The following UBN2 variants were observed in gnomAD, a reference collection of about 807,000 sequenced individuals.
UBN2 encodes the protein ubinuclein 2, also known as ubinuclein-2.
UBN2 carries 35 observed loss-of-function variants against 120.2 expected under a neutral mutation model. The ratio of observed to expected loss-of-function variants is 0.29; its 90% CI spans 0.22 to 0.39. The LOEUF is 0.39. UBN2 is among the 10% of genes least tolerant of loss of function. UBN2 has a pLI of 1.00. For synonymous variants in UBN2, 661 were observed against 648.7 expected (o/e 1.02, Z -0.29); for missense variants, 1,693 against 1,663.2 (o/e 1.02, Z -0.31).
chr7:139,236,585 G>T (rs1796168017), intron 1 of UBN2, among the ~76,000 whole-genome samples: 1 of 152,092 alleles, frequency 6.6e-6, no homozygotes, highest in Non-Finnish European at 1.5e-5. Flanking sequence ...TGTTCCTGGG[G>T]ATTTTTTTTC....
At chr7:139,262,025 C>T (rs544320807) in intron 6 of UBN2, among the ~76,000 whole-genome samples, 13 of 150,606 alleles carry the variant, frequency 8.6e-5, no homozygotes, top group Admixed American at 5.9e-4. Context: ...CCTTGTGATC[C>T]GCCTGCCTTG....
rs1462267540 is a variant in UBN2 at position 139,250,743 on chromosome 7, A to G, written c.562-1213A>G. On this transcript the variant is annotated intron_variant, in intron 2 of 17. Coordinates refer to ENST00000473989, the MANE Select transcript of UBN2 (RefSeq NM_173569.4). ...ATCTTAACTCAGATTTCACGTACTC[A>G]TTTCAGTTTTTACATGCACTCATTT... Among the ~76,000 whole-genome samples the G allele has an allele frequency of 2.6e-5, 4 of 152,002 alleles. No homozygotes were observed. In the South Asian group the frequency reaches 6.2e-4, roughly 24 times the overall value.
chr7:139,311,227 T>C (rs971277242), downstream of UBN2, among the ~76,000 whole-genome samples: 1 of 152,222 alleles, frequency 6.6e-6, no homozygotes, highest in African/African-American at 2.4e-5. Context: ...AATGACAGTC[T>C]CTTCTCAGGC....
chr7:139,276,038 C>T (rs1585016134), intron 11 of UBN2, 59 bp from the exon 12 acceptor site: 2 of 1,342,668 alleles, frequency 1.5e-6, no homozygotes, highest in East Asian at 2.4e-5. Flanking sequence ...AAAAATAAAA[C>T]AATTATGTTA....
At chr7:139,275,990 A>G in intron 11 of UBN2, 107 bp from the exon 12 acceptor site, 2 of 814,108 alleles carry the variant, frequency 2.5e-6, no homozygotes, top group East Asian at 5.4e-5. Context: ...TACTTGGTAA[A>G]TAAGCAGTAA....
At chr7:139,275,365 C>T (rs1306424229) in intron 11 of UBN2, among the ~76,000 whole-genome samples, 10 of 149,904 alleles carry the variant, frequency 6.7e-5, no homozygotes, top group Admixed American at 1.3e-4. Flanking sequence ...GGGTGGATCA[C>T]GAGGTCAGGA....
intron 2 of UBN2, among the ~76,000 whole-genome samples, chr7:139,250,236 A>G (rs1205114158): frequency 2.6e-5 from 4 of 151,438 alleles, no homozygotes; most frequent in African/African-American, 7.3e-5. Flanking sequence ...ACCTTGTGTC[A>G]TTTTTTTTCT....
At chr7:139,259,891 G>GGT (rs1026107259) in intron 5 of UBN2, among the ~76,000 whole-genome samples, 4 of 151,998 alleles carry the variant, frequency 2.6e-5, no homozygotes, top group Non-Finnish European at 5.9e-5. Flanking sequence ...TGGGATTACA[G>GGT]GTGTATGTCA....
rs76170879 is a variant in UBN2, at chr7:139,231,935, C to G, written c.451C>G (p.Leu151Val). ...GGAGTTCAGTTACCCGGAGCTGCTG[C>G]TGTGCGGAGAACAACGGGTACAGAA... ...CVEFSYPELL[L>V]CGEQRKKLIH... The change falls in exon 1 of 18, where the codon CTG becomes GTG. Residue 151 changes from leucine (L) to valine (V), a missense_variant. By Grantham distance (32) the Leu-to-Val change is conservative (BLOSUM62 1). Transcript: ENST00000473989. 6.3e-6 allele frequency: 10 copies of G among 1,583,190 alleles called. No individual in the cohort carries two copies. The Admixed American group carries it at 6.7e-5, about 11-fold the overall frequency.
chr7:139,264,148 A>G (rs1190761090), intron 6 of UBN2, among the ~76,000 whole-genome samples: 1 of 152,204 alleles, frequency 6.6e-6, no homozygotes, highest in East Asian at 1.9e-4. Context: ...TCACCAAATC[A>G]TCAGTTAAGT....
At chr7:139,286,966 A>G (rs960468542) in intron 15 of UBN2, among the ~76,000 whole-genome samples, 2 of 152,230 alleles carry the variant, frequency 1.3e-5, no homozygotes, top group Non-Finnish European at 2.9e-5. Context: ...CTGGTAATTC[A>G]TTAATTGAAA....
At chr7:139,291,797 T>C (rs1255734572) in intron 15 of UBN2, among the ~76,000 whole-genome samples, 1 of 151,380 alleles carries the variant, frequency 6.6e-6, no homozygotes, top group Non-Finnish European at 1.5e-5. Context: ...GAGTCTGCCA[T>C]GAGCTACAAT....
At chr7:139,280,521 A>C (rs1048894772) in intron 13 of UBN2, among the ~76,000 whole-genome samples, 2 of 152,152 alleles carry the variant, frequency 1.3e-5, no homozygotes, top group African/African-American at 4.8e-5. Flanking sequence ...TGTTGTTTTT[A>C]ATAGATGAGG....
chr7:139,240,506 A>G (rs952862369), intron 2 of UBN2, among the ~76,000 whole-genome samples: 2 of 150,452 alleles, frequency 1.3e-5, no homozygotes, highest in African/African-American at 4.9e-5. Context: ...CATCAGGCCA[A>G]AAGTGACCTG....
chr7:139,284,135 C>A lies in UBN2; in HGVS notation c.3230C>A (p.Ser1077Tyr). ...AKPSVSTKLI[S>Y]KSNPTPKPTV... ...CCTTCAGTATCAACTAAACTTATTTCTAAATCCAACCCAACTCCCAAGCCT... is the reference window on the plus strand; with the variant it reads ...CCTTCAGTATCAACTAAACTTATTTATAAATCCAACCCAACTCCCAAGCCT... Residue 1077 changes from serine (S) to tyrosine (Y), a missense_variant, in exon 15 of 18, where the codon TCT (serine) becomes TAT (tyrosine). Transcript: ENST00000473989. The A allele has an allele frequency of 6.2e-7, 1 of 1,614,172 alleles. No individual in the cohort carries two copies. Among genetic ancestry groups the A allele is most frequent in the Non-Finnish European group, 8.5e-7 (1 of 1,180,028 alleles).
intron 3 of UBN2, among the ~76,000 whole-genome samples, chr7:139,253,854 T>C (rs1232470919): frequency 6.6e-6 from 1 of 152,228 alleles, no homozygotes; most frequent in African/African-American, 2.4e-5. Context: ...ACTATTACAC[T>C]ACCCACAAAT....
rs1049185364 is a variant in UBN2 at position 139,292,412 on chromosome 7, C to G, written c.3670-820C>G. Among the ~76,000 whole-genome samples the G allele has an allele frequency of 8.5e-5, 13 of 152,272 alleles. No homozygotes were observed. The South Asian group carries it at 2.7e-3, about 32-fold the overall frequency. On this transcript the variant is annotated intron_variant, in intron 15 of 17. Coordinates refer to ENST00000473989, the MANE Select transcript of UBN2 (RefSeq NM_173569.4). ...TGATTTCAGTGTTTTTATTCGTAAA[C>G]ATGGCATCAAAGCCCAGGTAGGGGA...
rs554354239 is a variant in UBN2, at chr7:139,276,479, C to A, written c.2024+332C>A. 5 of 332,450 alleles carry A rather than the reference C, an allele frequency of 1.5e-5. No individual in the cohort carries two copies. The East Asian group carries it at 3.7e-4, about 24-fold the overall frequency. 20.6% of individuals were successfully genotyped at this position (332,450 alleles called of 1,614,324 possible). Reference sequence around the variant, plus strand: ...TCCATCTGCATTTGTAATCTACAGCCCTCTGTGTCCTGAGTTTACCAGGAC... The same window carrying A: ...TCCATCTGCATTTGTAATCTACAGCACTCTGTGTCCTGAGTTTACCAGGAC... On this transcript the variant is annotated intron_variant, in intron 12 of 17. Coordinates refer to ENST00000473989, the MANE Select transcript of UBN2 (RefSeq NM_173569.4).
Position 139,305,444 on chromosome 7 carries a change from T to C in UBN2, c.*7608T>C, listed in dbSNP as rs527784329. 2 of 152,366 alleles carry C rather than the reference T, an allele frequency of 1.3e-5. No individual in the cohort carries two copies. The highest frequency in any genetic ancestry group is 4.1e-4 in the South Asian group (2 of 4,832). 9.4% of individuals were successfully genotyped at this position (152,366 alleles called of 1,614,324 possible). ...CAGCAGAGGATTCAGGCAGGGACTC[T>C]CAGGATTTTAATCAGACTGCCTTTG... On this transcript the variant is annotated 3_prime_UTR_variant, in exon 18 of 18. Coordinates refer to ENST00000473989, the MANE Select transcript of UBN2 (RefSeq NM_173569.4).
Sources: allele counts gnomAD v4.1 joint callset (sites outside exome capture counted in the v4.1 genomes callset), GRCh38; gene constraint gnomAD v4.1.1; transcripts MANE v1.5; gene names NCBI Gene and HGNC (gene_info 2026-07-23, HGNC 2026-07-21).